KIF13B: variants seen among roughly 807,000 people sequenced by gnomAD.
The protein encoded by KIF13B is kinesin-like protein KIF13B.
A neutral mutation model predicts 222.0 loss-of-function variants in KIF13B; 127 were observed. The observed-to-expected ratio is 0.57, with a 90% CI of 0.50 to 0.66. The LOEUF (loss-of-function observed/expected upper bound fraction) is 0.66. KIF13B is among the 30% of genes least tolerant of loss of function. The pLI is 0.00. For synonymous variants in KIF13B, 976 were observed against 919.0 expected (o/e 1.06, Z -1.12); for missense variants, 2,173 against 2,379.0 (o/e 0.91, Z 1.80).
chr8:29,175,571 TAAC>T (rs1293957341), intron 10 of KIF13B, among the ~76,000 whole-genome samples: 2 of 152,256 alleles, frequency 1.3e-5, no homozygotes, highest in African/African-American at 2.4e-5. Context: ...CTGCAGCCTC[TAAC>T]AACATCTTTA....
At chr8:29,089,477 A>G (rs1287116071) in intron 37 of KIF13B, among the ~76,000 whole-genome samples, 1 of 152,112 alleles carries the variant, frequency 6.6e-6, no homozygotes, top group Non-Finnish European at 1.5e-5. Flanking sequence ...ATGTCAAACA[A>G]TAGACATTTT....
At chr8:29,103,765 T>C (rs768134704) in intron 35 of KIF13B, among the ~76,000 whole-genome samples, 11 of 152,172 alleles carry the variant, frequency 7.2e-5, no homozygotes, top group Non-Finnish European at 1.5e-4. Flanking sequence ...TGAGTTCCTC[T>C]TTAGAACCGA....
chr8:29,113,032 T>C (rs1274485291), intron 32 of KIF13B, among the ~76,000 whole-genome samples: 2 of 152,188 alleles, frequency 1.3e-5, no homozygotes, highest in African/African-American at 4.8e-5. Context: ...AAAAACACTT[T>C]GTGCAAAGAT....
chr8:29,098,476 G>A (rs1311085130), intron 36 of KIF13B, among the ~76,000 whole-genome samples: 1 of 151,378 alleles, frequency 6.6e-6, no homozygotes, highest in Admixed American at 6.6e-5. Context: ...GGTGGTGGGC[G>A]CCTGTAATCC....
chr8:29,137,803 G>A (rs1321856342), intron 21 of KIF13B, among the ~76,000 whole-genome samples: 3 of 152,190 alleles, frequency 2.0e-5, no homozygotes, highest in South Asian at 2.1e-4. Flanking sequence ...AGATGAGATC[G>A]GAATATTCAT....
chr8:29,166,965 G>A (rs1204294076), intron 11 of KIF13B, among the ~76,000 whole-genome samples: 1 of 152,144 alleles, frequency 6.6e-6, no homozygotes, highest in Non-Finnish European at 1.5e-5. Flanking sequence ...GAAGACTCAA[G>A]ATTTTCATTC....
At chr8:29,109,268 C>G (rs1047085861) in intron 34 of KIF13B, among the ~76,000 whole-genome samples, 166 bp downstream of exon 34, 1 of 152,158 alleles carries the variant, frequency 6.6e-6, no homozygotes, top group Non-Finnish European at 1.5e-5. Flanking sequence ...GGAACAGGGG[C>G]AGAGGTGCAC....
intron 4 of KIF13B, among the ~76,000 whole-genome samples, chr8:29,189,053 C>A (rs1043046158): frequency 6.6e-6 from 1 of 152,158 alleles, no homozygotes; most frequent in Admixed American, 6.5e-5. Flanking sequence ...ACAGGATCTA[C>A]AACACATACC....
At position 29,086,956 on chromosome 8, in the gene KIF13B, C is replaced by T. The variant is rs59597346; in HGVS notation, c.4458+5789G>A. ...AGACTCAAAACAGAGAGGAAAGTTC[C>T]GGGTACTTGTGTATTTCTTTAAGGT... On this transcript the variant is annotated intron_variant, in intron 37 of 39. Coordinates refer to ENST00000524189, the MANE Select transcript of KIF13B (RefSeq NM_015254.4). Among the ~76,000 whole-genome samples, 356 of 152,282 alleles carry T rather than the reference C, an allele frequency of 2.3e-3. 1 individual carries two copies. The highest frequency in any genetic ancestry group is 7.7e-3 in the African/African-American group (322 of 41,550).
chr8:29,101,977 C>T (rs1426632931), intron 35 of KIF13B, among the ~76,000 whole-genome samples: 4 of 152,026 alleles, frequency 2.6e-5, no homozygotes, highest in African/African-American at 9.7e-5. Flanking sequence ...GTTCAGGGTC[C>T]GGCTACACAC....
intron 2 of KIF13B, among the ~76,000 whole-genome samples, chr8:29,217,509 C>A (rs575336885): frequency 9.9e-5 from 15 of 152,264 alleles, no homozygotes; most frequent in African/African-American, 3.1e-4. Flanking sequence ...TAGAACAGTG[C>A]CTGGCACATA....
chr8:29,116,744 T>C, intron 31 of KIF13B, 87 bp downstream of exon 31: 1 of 1,284,542 alleles, frequency 7.8e-7, no homozygotes. Flanking sequence ...GGAGCCTGTT[T>C]GGACAGAAGG....
At chr8:29,165,585 G>A (rs1811956445) in intron 12 of KIF13B, 77 bp downstream of exon 12, 1 of 866,290 alleles carries the variant, frequency 1.2e-6, no homozygotes, top group Admixed American at 2.2e-5. Context: ...AGATCAAAAA[G>A]GAACCAGAAA....
intron 1 of KIF13B, 146 bp downstream of exon 1, chr8:29,262,834 C>A: frequency 1.8e-6 from 1 of 551,830 alleles, no homozygotes; most frequent in South Asian, 2.8e-5. Flanking sequence ...AGCGCGGGAG[C>A]GGGTTTCAGG....
At chr8:29,177,228 A>G (rs375173551) in intron 9 of KIF13B, among the ~76,000 whole-genome samples, 3 of 151,540 alleles carry the variant, frequency 2.0e-5, no homozygotes, top group African/African-American at 2.4e-5. Flanking sequence ...CACCCCTCCC[A>G]TGAAAAGAAT....
chr8:29,123,608 A>G (rs1388932733), intron 27 of KIF13B, 116 bp from the exon 28 acceptor site: 10 of 1,374,758 alleles, frequency 7.3e-6, no homozygotes, highest in Non-Finnish European at 1.0e-5. Context: ...AGTGCTCCCC[A>G]GTGATAAAAA....
intron 2 of KIF13B, among the ~76,000 whole-genome samples, chr8:29,218,651 A>G (rs1282486531): frequency 6.6e-6 from 1 of 152,238 alleles, no homozygotes; most frequent in East Asian, 1.9e-4. Flanking sequence ...AGAATATGCT[A>G]AAGACAGAAC....
intron 7 of KIF13B, among the ~76,000 whole-genome samples, chr8:29,181,683 C>T (rs1026706332): frequency 3.3e-5 from 5 of 152,210 alleles, no homozygotes; most frequent in African/African-American, 1.2e-4. Context: ...TGATTCCAAA[C>T]CCACTTTAGA....
chr8:29,119,781 C>A (rs950923251), intron 29 of KIF13B, among the ~76,000 whole-genome samples: 1 of 152,134 alleles, frequency 6.6e-6, no homozygotes, highest in Non-Finnish European at 1.5e-5. Context: ...CAAACACCTT[C>A]CACCCCATCA....
Sources: gnomAD v4.1 joint callset for allele counts (sites outside exome capture counted in the v4.1 genomes callset) on GRCh38, gnomAD v4.1.1 for gene constraint, MANE v1.5 for transcripts, NCBI Gene and HGNC (gene_info 2026-07-23, HGNC 2026-07-21) for gene names.